SLX4IP: variants seen among roughly 807,000 people sequenced by gnomAD.
SLX4IP encodes SLX4 interacting protein.
In SLX4IP, 34 loss-of-function variants were observed where a neutral mutation model predicts 32.9. That is an observed-to-expected ratio of 1.03 (90% CI 0.79 to 1.38). The LOEUF (loss-of-function observed/expected upper bound fraction) is 1.38. Among genes scored for constraint, SLX4IP ranks in the 40% most tolerant of loss-of-function variants. The probability of loss-of-function intolerance (pLI) is 0.00; values close to 1 mark genes in which losing one functional copy is unlikely to be tolerated. For missense variants in SLX4IP, 444 were observed against 479.0 expected (o/e 0.93, Z 0.68); for synonymous variants, 172 against 171.7 (o/e 1.00, Z -0.01).
chr20:10,608,668 T>TG (rs1235670498), intron 6 of SLX4IP, among the ~76,000 whole-genome samples: 12 of 135,404 alleles, frequency 8.9e-5, no homozygotes, highest in African/African-American at 3.1e-4. Context: ...AGCAATACTC[T>TG]GTCTCAAAAA....
At chr20:10,455,627 T>TTTA (rs1568688802) in intron 1 of SLX4IP, among the ~76,000 whole-genome samples, 31 of 84,328 alleles carry the variant, frequency 3.7e-4, no homozygotes, top group African/African-American at 1.9e-3. Flanking sequence ...TTATTTATTT[T>TTTA]GAGACAGAGT....
chr20:10,446,382 AG>A (rs1160026966), intron 1 of SLX4IP, among the ~76,000 whole-genome samples: 3 of 149,824 alleles, frequency 2.0e-5, no homozygotes, highest in Non-Finnish European at 4.4e-5. Flanking sequence ...ACTGCACTAC[AG>A]CCTGGGCAAC....
intron 1 of SLX4IP, among the ~76,000 whole-genome samples, chr20:10,439,424 T>G (rs2065142839): frequency 6.6e-6 from 1 of 152,102 alleles, no homozygotes; most frequent in Non-Finnish European, 1.5e-5. Context: ...TACCCAGACC[T>G]GTCTCAAACT....
rs1555807614 is a variant in SLX4IP, at chr20:10,479,352, C to CTTTTTTCTTTTTT, written c.27+21127_27+21128insCTTTTTTTTTTTT. Among the ~76,000 whole-genome samples, 19 of 73,712 alleles carry CTTTTTTCTTTTTT rather than the reference C, an allele frequency of 2.6e-4. 3 individuals are homozygous for CTTTTTTCTTTTTT. The highest frequency in any genetic ancestry group is 4.7e-4 in the Non-Finnish European group (14 of 29,914). 48.4% of individuals were successfully genotyped at this position (73,712 alleles called of 152,430 possible). A position where few individuals can be genotyped will look rare whatever the true frequency, so the allele number is the denominator to read the frequency against. ...TTCTCATCGCTCAAATTCCATATTTCTTTTTTTTTTTTTTTTTTGAGATGG... is the reference window on the plus strand; with the variant it reads ...TTCTCATCGCTCAAATTCCATATTTCTTTTTTCTTTTTTTTTTTTTTTTTTTTTTTTGAGATGG... On this transcript the variant is annotated intron_variant, in intron 2 of 7. Transcript: ENST00000334534.
intron 4 of SLX4IP, among the ~76,000 whole-genome samples, chr20:10,574,349 A>G (rs1219857538): frequency 1.3e-5 from 2 of 152,208 alleles, no homozygotes; most frequent in African/African-American, 4.8e-5. Flanking sequence ...AAACCTTATT[A>G]GAATGATCCT....
At chr20:10,530,172 A>C (rs558837470) in intron 2 of SLX4IP, among the ~76,000 whole-genome samples, 1 of 152,318 alleles carries the variant, frequency 6.6e-6, no homozygotes, top group East Asian at 1.9e-4. Context: ...CCTGCCCCAG[A>C]GTAAGGCGGT....
intron 6 of SLX4IP, chr20:10,613,730 A>G: frequency 6.2e-7 from 1 of 1,613,316 alleles, no homozygotes; most frequent in Non-Finnish European, 8.5e-7. Context: ...TAGCTTGCTG[A>G]ATGATATTCC....
At position 10,446,411 on chromosome 20, in the gene SLX4IP, C is replaced by CA. The variant is rs36181096; in HGVS notation, c.-30+10979dup. 4.8e-3 allele frequency among the ~76,000 whole-genome samples: 544 copies of CA among 112,228 alleles called. 5 individuals are homozygous for CA. The highest frequency in any genetic ancestry group is 0.013 in the East Asian group (32 of 2,462). The allele number at this position is 112,228 out of a possible 152,430, so 73.6% of individuals were successfully genotyped here. ...TGGGCAACAGAGTGCGACTCTGTCTCAAAAAAAAAAAAAAAAAAAAAGTTA... is the reference window on the plus strand; with the variant it reads ...TGGGCAACAGAGTGCGACTCTGTCTCAAAAAAAAAAAAAAAAAAAAAAGTTA... On this transcript the variant is annotated intron_variant, in intron 1 of 7. Coordinates refer to ENST00000334534, the MANE Select transcript of SLX4IP (RefSeq NM_001009608.3).
At chr20:10,558,525 C>A (rs1053261006) in intron 3 of SLX4IP, among the ~76,000 whole-genome samples, 1 of 152,038 alleles carries the variant, frequency 6.6e-6, no homozygotes, top group Non-Finnish European at 1.5e-5. Flanking sequence ...TATGAGCAAC[C>A]AATTTGATTC....
chr20:10,528,578 T>C (rs1340291879), intron 2 of SLX4IP, among the ~76,000 whole-genome samples: 1 of 152,228 alleles, frequency 6.6e-6, no homozygotes, highest in Non-Finnish European at 1.5e-5. Context: ...TCTTTTCTTT[T>C]CTTTTTAAAA....
At chr20:10,453,173 G>A (rs1403840752) in intron 1 of SLX4IP, among the ~76,000 whole-genome samples, 2 of 152,122 alleles carry the variant, frequency 1.3e-5, no homozygotes, top group African/African-American at 4.8e-5. Context: ...TGTGTATTAA[G>A]CACTCTTTTT....
intron 6 of SLX4IP, among the ~76,000 whole-genome samples, chr20:10,612,369 T>G (rs2066976711): frequency 6.6e-6 from 1 of 152,224 alleles, no homozygotes; most frequent in African/African-American, 2.4e-5. Context: ...GTTTCACCTC[T>G]GTGCTGGGAC....
At chr20:10,545,253 C>T (rs747859058) in intron 2 of SLX4IP, among the ~76,000 whole-genome samples, 34 of 152,140 alleles carry the variant, frequency 2.2e-4, no homozygotes, top group Admixed American at 4.6e-4. Flanking sequence ...ACAGGCCTAG[C>T]ACTTGACTTT....
intron 6 of SLX4IP, among the ~76,000 whole-genome samples, chr20:10,602,861 G>C (rs1419822685): frequency 6.6e-6 from 1 of 152,170 alleles, no homozygotes; most frequent in Non-Finnish European, 1.5e-5. Flanking sequence ...CCCAGGAAAA[G>C]TAAAGAGCAG....
chr20:10,511,953 ATTT>A (rs562422396), intron 2 of SLX4IP, among the ~76,000 whole-genome samples: 1 of 152,190 alleles, frequency 6.6e-6, no homozygotes. Flanking sequence ...GTAATTTGGT[ATTT>A]TTTTCTTGTC....
intron 4 of SLX4IP, among the ~76,000 whole-genome samples, chr20:10,570,973 G>A (rs547414490): frequency 6.6e-6 from 1 of 152,124 alleles, no homozygotes; most frequent in Non-Finnish European, 1.5e-5. Flanking sequence ...GGGACCACAG[G>A]TGTGTATCAC....
chr20:10,555,282 G>A (rs994490275), intron 2 of SLX4IP, among the ~76,000 whole-genome samples: 1 of 151,620 alleles, frequency 6.6e-6, no homozygotes, highest in Non-Finnish European at 1.5e-5. Flanking sequence ...GGGTCTCTCA[G>A]ACCATCCCCA....
At chr20:10,517,425 T>A (rs2059439095) in intron 2 of SLX4IP, among the ~76,000 whole-genome samples, 1 of 152,214 alleles carries the variant, frequency 6.6e-6, no homozygotes, top group African/African-American at 2.4e-5. Context: ...TGTCAGAATC[T>A]TCCCACTTAT....
chr20:10,506,112 C>T (rs570653194), intron 2 of SLX4IP, among the ~76,000 whole-genome samples: 5 of 152,328 alleles, frequency 3.3e-5, no homozygotes, highest in Admixed American at 2.0e-4. Context: ...ACTGTGTCAA[C>T]ATTTCTTTGG....
Sources: gnomAD v4.1 joint callset for allele counts (sites outside exome capture counted in the v4.1 genomes callset) on GRCh38, gnomAD v4.1.1 for gene constraint, MANE v1.5 for transcripts, NCBI Gene and HGNC (gene_info 2026-07-23, HGNC 2026-07-21) for gene names.